RASEF: variants seen among roughly 807,000 people sequenced by gnomAD.
RASEF encodes the protein ras and EF-hand domain-containing protein.
In RASEF, 68 loss-of-function variants were observed where a neutral mutation model predicts 90.1. The observed-to-expected ratio is 0.75, with a 90% CI of 0.62 to 0.92. RASEF has a LOEUF of 0.92. RASEF is among the 40% of genes least tolerant of loss of function. RASEF has a pLI of 0.00. For missense variants in RASEF, 949 were observed against 937.2 expected (o/e 1.01, Z -0.16); for synonymous variants, 331 against 345.2 (o/e 0.96, Z 0.46).
At chr9:83,059,793 T>C (rs955123429) in intron 1 of RASEF, among the ~76,000 whole-genome samples, 1 of 152,148 alleles carries the variant, frequency 6.6e-6, no homozygotes. Flanking sequence ...ACCCTTCATA[T>C]CTGCCAGGCT....
At chr9:82,984,679 C>A (rs1828680260) in intron 16 of RASEF, among the ~76,000 whole-genome samples, 1 of 152,082 alleles carries the variant, frequency 6.6e-6, no homozygotes, top group Non-Finnish European at 1.5e-5. Flanking sequence ...TTTCTGACCT[C>A]CAAAATTGTC....
intron 1 of RASEF, among the ~76,000 whole-genome samples, chr9:83,043,722 T>C (rs879173837): frequency 1.3e-5 from 2 of 152,196 alleles, no homozygotes. Context: ...GCATTTTTTT[T>C]TCTGGGTCTT....
the RASEF span, among the ~76,000 whole-genome samples, chr9:83,183,005 AC>A: frequency 6.6e-6 from 1 of 152,160 alleles, no homozygotes; most frequent in Non-Finnish European, 1.5e-5. Flanking sequence ...ATTGCCTAAG[AC>A]CGGGGTGAAG....
the RASEF span, among the ~76,000 whole-genome samples, chr9:83,216,582 C>G: frequency 6.6e-6 from 1 of 152,160 alleles, no homozygotes; most frequent in South Asian, 2.1e-4. Flanking sequence ...TGAACGTCCA[C>G]GCAGAAGTTT....
chr9:83,047,117 T>A lies in RASEF; in HGVS notation c.431+15320A>T, dbSNP rs560099129. 2.8e-3 allele frequency among the ~76,000 whole-genome samples: 427 copies of A among 152,242 alleles called. 2 individuals are homozygous for A. The highest frequency in any genetic ancestry group is 9.6e-3 in the African/African-American group (400 of 41,556). On this transcript the variant is annotated intron_variant, in intron 1 of 16. Transcript: ENST00000376447. ...TGAAATTGAAGATAGTGGCTGCTCTTGGTGTGCACGTGATGGGAAGGGGCT... is the reference window on the plus strand; with the variant it reads ...TGAAATTGAAGATAGTGGCTGCTCTAGGTGTGCACGTGATGGGAAGGGGCT...
At chr9:83,091,277 G>C in the RASEF span, among the ~76,000 whole-genome samples, 2 of 152,200 alleles carry the variant, frequency 1.3e-5, no homozygotes, top group Non-Finnish European at 2.9e-5. Context: ...CATCTAGCCA[G>C]GTGCAGTGGC....
the RASEF span, among the ~76,000 whole-genome samples, chr9:83,104,642 T>C: frequency 6.1e-4 from 93 of 152,230 alleles, 6 homozygotes; most frequent in South Asian, 0.019. Context: ...AAAAAGAAAA[T>C]CTCAGTGACA....
the RASEF span, among the ~76,000 whole-genome samples, chr9:83,076,195 C>G: frequency 1.3e-5 from 2 of 151,866 alleles, no homozygotes; most frequent in African/African-American, 4.8e-5. Flanking sequence ...AAAGCCACTC[C>G]TATTCCTCTG....
the RASEF span, among the ~76,000 whole-genome samples, chr9:83,207,505 A>C: frequency 6.6e-6 from 1 of 151,986 alleles, no homozygotes; most frequent in African/African-American, 2.4e-5. Flanking sequence ...GGGGCCCTCT[A>C]ACATATTCAG....
At chr9:83,043,667 CA>C (rs967040510) in intron 1 of RASEF, among the ~76,000 whole-genome samples, 2 of 152,148 alleles carry the variant, frequency 1.3e-5, no homozygotes, top group African/African-American at 4.8e-5. Context: ...CACCCCCAGG[CA>C]AAATTTTGAA....
chr9:83,157,120 C>T, the RASEF span, among the ~76,000 whole-genome samples: 141 of 152,326 alleles, frequency 9.3e-4, 1 homozygote, highest in Non-Finnish European at 1.7e-3. Flanking sequence ...GCCAGTTGTA[C>T]TGTGTAATGC....
At chr9:83,059,269 TACACAC>T (rs59546421) in intron 1 of RASEF, among the ~76,000 whole-genome samples, 99 of 129,122 alleles carry the variant, frequency 7.7e-4, no homozygotes, top group Non-Finnish European at 1.3e-3. Context: ...AAATGCTCAA[TACACAC>T]ACACACACAC....
chr9:83,038,410 C>A (rs1829781207), intron 1 of RASEF, among the ~76,000 whole-genome samples: 1 of 152,046 alleles, frequency 6.6e-6, no homozygotes, highest in South Asian at 2.1e-4. Context: ...CTGCTGATGT[C>A]AACAATTTCA....
At chr9:83,216,868 G>C in the RASEF span, among the ~76,000 whole-genome samples, 1 of 152,030 alleles carries the variant, frequency 6.6e-6, no homozygotes, top group Non-Finnish European at 1.5e-5. Context: ...CAATACTGTA[G>C]TCATTCTCCC....
At chr9:82,989,709 A>T (rs1828776343) in intron 16 of RASEF, among the ~76,000 whole-genome samples, 1 of 152,202 alleles carries the variant, frequency 6.6e-6, no homozygotes, top group Admixed American at 6.5e-5. Context: ...ATTGCTCTGA[A>T]ATTTGTATTG....
the RASEF span, among the ~76,000 whole-genome samples, chr9:83,109,613 G>A: frequency 9.9e-5 from 15 of 152,162 alleles, 1 homozygote; most frequent in Admixed American, 4.6e-4. Flanking sequence ...TAATTTTACA[G>A]TTCTTCATTA....
At chr9:83,122,375 G>C in the RASEF span, among the ~76,000 whole-genome samples, 14 of 152,216 alleles carry the variant, frequency 9.2e-5, no homozygotes, top group Admixed American at 5.9e-4. Flanking sequence ...ATAACATAAT[G>C]GGTGAGGCAG....
At chr9:83,155,640 T>C in the RASEF span, among the ~76,000 whole-genome samples, 1 of 152,242 alleles carries the variant, frequency 6.6e-6, no homozygotes, top group Non-Finnish European at 1.5e-5. Context: ...TATCATTGGG[T>C]TCCCTACACT....
rs1829954150 is a variant in RASEF at position 83,047,444 on chromosome 9, T to G, written c.431+14993A>C. Among the ~76,000 whole-genome samples, 5 of 152,150 alleles carry G rather than the reference T, an allele frequency of 3.3e-5. No homozygotes were observed. In the South Asian group the frequency reaches 1.0e-3, roughly 32 times the overall value. On this transcript the variant is annotated intron_variant, in intron 1 of 16. Transcript: ENST00000376447. ...ACCAGAAAATATGACCTCTTATAACTAAATTCCCTTATTTTTTATTACAAA... is the reference window on the plus strand; with the variant it reads ...ACCAGAAAATATGACCTCTTATAACGAAATTCCCTTATTTTTTATTACAAA...
Sources: gnomAD v4.1 joint callset for allele counts (sites outside exome capture counted in the v4.1 genomes callset) on GRCh38, gnomAD v4.1.1 for gene constraint, MANE v1.5 for transcripts, NCBI Gene and HGNC (gene_info 2026-07-23, HGNC 2026-07-21) for gene names.